EYS: variants seen among roughly 807,000 people sequenced by gnomAD.
EYS encodes EGF-like photoreceptor maintenance factor, also known as protein eyes shut homolog.
A neutral mutation model predicts 282.1 loss-of-function variants in EYS; 250 were observed. The ratio of observed to expected loss-of-function variants is 0.89; its 90% CI spans 0.80 to 0.98. The LOEUF (loss-of-function observed/expected upper bound fraction) is 0.98. EYS is among the 50% of genes least tolerant of loss of function. The probability of loss-of-function intolerance (pLI) is 0.00; values close to 1 mark genes in which losing one functional copy is unlikely to be tolerated. For synonymous variants in EYS, 1,355 were observed against 1,282.9 expected, an observed-to-expected ratio of 1.06 and a Z score of -1.20; for missense variants, 4,016 against 3,709.0, an observed-to-expected ratio of 1.08 and a Z score of -2.15.
chr6:64,422,086 C>T (rs2150452374), intron 28 of EYS, among the ~76,000 whole-genome samples: 1 of 152,062 alleles, frequency 6.6e-6, no homozygotes, highest in African/African-American at 2.4e-5. Flanking sequence ...TTATCTAGCC[C>T]CAGTATCAAT....
At chr6:65,603,511 T>C (rs1765681119) in intron 2 of EYS, among the ~76,000 whole-genome samples, 1 of 151,950 alleles carries the variant, frequency 6.6e-6, no homozygotes, top group African/African-American at 2.4e-5. Context: ...CTATTAATAT[T>C]TCTTTGAACC....
intron 19 of EYS, among the ~76,000 whole-genome samples, chr6:64,862,943 A>G (rs188107030): frequency 2.0e-4 from 31 of 152,118 alleles, no homozygotes; most frequent in African/African-American, 7.0e-4. Flanking sequence ...TATTTATTCC[A>G]TTTAAAGTTG....
intron 36 of EYS, chr6:63,857,443 T>C (rs1772423415): frequency 5.2e-6 from 1 of 191,106 alleles, no homozygotes; most frequent in South Asian, 1.1e-4. Flanking sequence ...CTGTATGAGA[T>C]GAGTATCTCT....
chr6:64,824,695 T>G (rs1764998093), intron 19 of EYS, among the ~76,000 whole-genome samples: 1 of 151,804 alleles, frequency 6.6e-6, no homozygotes, highest in African/African-American at 2.4e-5. Context: ...TAAAAGAGTT[T>G]GGGACAGGAT....
At chr6:63,823,432 T>A (rs897016876) in intron 36 of EYS, among the ~76,000 whole-genome samples, 12 of 151,762 alleles carry the variant, frequency 7.9e-5, no homozygotes, top group African/African-American at 2.9e-4. Flanking sequence ...ATTAAAAATG[T>A]TTTTTCATTT....
At chr6:65,178,867 G>C (rs1765297429) in intron 12 of EYS, among the ~76,000 whole-genome samples, 1 of 152,054 alleles carries the variant, frequency 6.6e-6, no homozygotes, top group African/African-American at 2.4e-5. Context: ...CTGTCTCTCA[G>C]ACCACAGTGC....
chr6:64,498,154 T>C (rs1021766279), intron 26 of EYS, among the ~76,000 whole-genome samples: 3 of 152,204 alleles, frequency 2.0e-5, no homozygotes, highest in African/African-American at 7.2e-5. Flanking sequence ...TAAATAGCTA[T>C]TGTTAGTATC....
At chr6:65,478,948 C>G (rs577987754) in intron 5 of EYS, among the ~76,000 whole-genome samples, 1 of 151,936 alleles carries the variant, frequency 6.6e-6, no homozygotes, top group South Asian at 2.1e-4. Flanking sequence ...CAAAACCAGG[C>G]AAAAATAGAA....
chr6:64,627,183 C>T (rs377125913), intron 22 of EYS, among the ~76,000 whole-genome samples: 40 of 152,258 alleles, frequency 2.6e-4, no homozygotes, highest in Middle Eastern at 3.4e-3. Context: ...AGAATACAAA[C>T]GTAAGTAAAA....
chr6:65,224,344 A>G (rs1766560928), intron 12 of EYS, among the ~76,000 whole-genome samples: 1 of 152,208 alleles, frequency 6.6e-6, no homozygotes, highest in Non-Finnish European at 1.5e-5. Context: ...TAAATTCTAA[A>G]TAAAAAAATA....
chr6:65,676,435 C>T lies in EYS; in HGVS notation c.-448+30700G>A, dbSNP rs373362999. ...ATAAAAGAGTATTACAAAAATTATACGTCTACAAATTGAATAACGTCAAAG... is the reference window on the plus strand; with the variant it reads ...ATAAAAGAGTATTACAAAAATTATATGTCTACAAATTGAATAACGTCAAAG... On this transcript the variant is annotated intron_variant, in intron 1 of 42. Coordinates refer to ENST00000503581, the MANE Select transcript of EYS (RefSeq NM_001142800.2). Among the ~76,000 whole-genome samples, 799 of 151,784 alleles carry T rather than the reference C, an allele frequency of 5.3e-3. 2 individuals are homozygous for T. Among genetic ancestry groups the T allele is most frequent in the Non-Finnish European group, 9.3e-3 (633 of 67,732 alleles).
At chr6:64,796,400 GT>G (rs1774355421) in intron 22 of EYS, among the ~76,000 whole-genome samples, 1 of 152,134 alleles carries the variant, frequency 6.6e-6, no homozygotes, top group South Asian at 2.1e-4. Flanking sequence ...GACCAGCAGT[GT>G]GTTCTAAAAA....
intron 2 of EYS, among the ~76,000 whole-genome samples, chr6:65,620,220 C>T (rs1434578196): frequency 3.3e-5 from 5 of 152,240 alleles, no homozygotes; most frequent in African/African-American, 1.2e-4. Flanking sequence ...TGATCATTGC[C>T]GCAATTTCAG....
chr6:63,974,146 GC>G (rs1247072526), intron 35 of EYS, among the ~76,000 whole-genome samples: 4 of 151,956 alleles, frequency 2.6e-5, no homozygotes, highest in Admixed American at 1.3e-4. Context: ...TGTTTGTCAA[GC>G]TTTTCACACA....
intron 35 of EYS, among the ~76,000 whole-genome samples, chr6:63,900,002 T>G (rs1333374675): frequency 3.3e-5 from 5 of 152,206 alleles, no homozygotes; most frequent in Non-Finnish European, 7.3e-5. Context: ...CACCTACTCA[T>G]TTACCTATTG....
intron 31 of EYS, among the ~76,000 whole-genome samples, chr6:64,211,357 T>G (rs1481524734): frequency 6.6e-6 from 1 of 152,102 alleles, no homozygotes; most frequent in Non-Finnish European, 1.5e-5. Context: ...AAAAATAACT[T>G]TTTATTGGGT....
At chr6:63,905,838 T>C (rs1773766141) in intron 35 of EYS, among the ~76,000 whole-genome samples, 1 of 152,174 alleles carries the variant, frequency 6.6e-6, no homozygotes, top group African/African-American at 2.4e-5. Flanking sequence ...AGAAATAATT[T>C]TGTGTCAGTT....
At chr6:64,868,216 T>A (rs1042155250) in intron 19 of EYS, among the ~76,000 whole-genome samples, 2 of 151,538 alleles carry the variant, frequency 1.3e-5, no homozygotes, top group Non-Finnish European at 3.0e-5. Flanking sequence ...TTGAACCCTT[T>A]GAATGTGACA....
At position 65,512,348 on chromosome 6, in the gene EYS, C is replaced by T. The variant is rs148077475; in HGVS notation, c.-332-16355G>A. Among the ~76,000 whole-genome samples the T allele has an allele frequency of 1.7e-3, 253 of 151,594 alleles. 5 individuals are homozygous for T. Among genetic ancestry groups the T allele is most frequent in the Non-Finnish European group, 8.8e-4 (60 of 67,850 alleles). On this transcript the variant is annotated intron_variant, in intron 2 of 42. Coordinates refer to ENST00000503581, the MANE Select transcript of EYS (RefSeq NM_001142800.2). ...TCTACTAAAAATACAAAAAATTAGC[C>T]GGGTGTGGCGAGCACCTGTAGTCCC... is the stretch of plus-strand genomic sequence containing the variant.
Sources: gnomAD v4.1 joint callset for allele counts (sites outside exome capture counted in the v4.1 genomes callset) on GRCh38, gnomAD v4.1.1 for gene constraint, MANE v1.5 for transcripts, NCBI Gene and HGNC (gene_info 2026-07-23, HGNC 2026-07-21) for gene names.